CNBD1: variants seen among roughly 807,000 people sequenced by gnomAD.
The protein encoded by CNBD1 is cyclic nucleotide binding domain containing 1.
A neutral mutation model predicts 54.4 loss-of-function variants in CNBD1; 71 were observed. The ratio of observed to expected loss-of-function variants is 1.30; its 90% CI spans 1.08 to 1.59. The LOEUF is 1.59. Among genes scored for constraint, CNBD1 ranks in the 40% most tolerant of loss-of-function variants. The pLI is 0.00. For synonymous variants in CNBD1, 182 were observed against 170.7 expected (o/e 1.07, Z -0.51); for missense variants, 659 against 518.0 (o/e 1.27, Z -2.64).
At chr8:87,159,517 G>A (rs1444633995) in intron 4 of CNBD1, among the ~76,000 whole-genome samples, 2 of 152,064 alleles carry the variant, frequency 1.3e-5, no homozygotes, top group Non-Finnish European at 2.9e-5. Context: ...GGGATAGGAT[G>A]GGAGGGGAAG....
At chr8:87,328,405 A>G (rs957365522) in intron 8 of CNBD1, among the ~76,000 whole-genome samples, 1 of 151,682 alleles carries the variant, frequency 6.6e-6, no homozygotes, top group South Asian at 2.1e-4. Context: ...ATAATTTTTT[A>G]AATTATGTTT....
rs141424792 is a variant in CNBD1 at position 87,351,420 on chromosome 8, C to T, written c.1043-265C>T. Among the ~76,000 whole-genome samples, 5 of 152,274 alleles carry T rather than the reference C, an allele frequency of 3.3e-5. No individual in the cohort carries two copies. The East Asian group carries it at 9.6e-4, about 29-fold the overall frequency. On this transcript the variant is annotated intron_variant, in intron 8 of 10. Coordinates refer to ENST00000518476, the MANE Select transcript of CNBD1 (RefSeq NM_173538.3). ...CTTCTATATTCCCCTTTCCTTCCTG[C>T]ATTGTACAGTATACTAGCATATCAG...
At chr8:86,935,205 T>G (rs984691983) in intron 3 of CNBD1, among the ~76,000 whole-genome samples, 2 of 151,910 alleles carry the variant, frequency 1.3e-5, no homozygotes, top group Non-Finnish European at 2.9e-5. Context: ...CTGGCTAATT[T>G]TTTTGTATTT....
intron 4 of CNBD1, among the ~76,000 whole-genome samples, chr8:87,117,178 C>A (rs1441545085): frequency 6.6e-6 from 1 of 152,044 alleles, no homozygotes; most frequent in African/African-American, 2.4e-5. Flanking sequence ...GCGGGTGGAT[C>A]ACGAAGTCAG....
rs375227979 is a variant in CNBD1, at chr8:87,335,260, G to A, written c.1043-16425G>A. ...CTGAGTTTGAATCCTGAATATCCTC[G>A]TTAATTTTCTGTCTTGTTAATCTGT... On this transcript the variant is annotated intron_variant, in intron 8 of 10. Transcript: ENST00000518476. Among the ~76,000 whole-genome samples the A allele has an allele frequency of 2.0e-4, 30 of 152,172 alleles. No homozygotes were observed. In the South Asian group the frequency reaches 5.6e-3, roughly 28 times the overall value.
At position 87,082,126 on chromosome 8, in the gene CNBD1, C is replaced by T. The variant is rs184767370; in HGVS notation, c.432-123867C>T. Among the ~76,000 whole-genome samples, 21 of 152,268 alleles carry T rather than the reference C, an allele frequency of 1.4e-4. 1 individual carries two copies. The East Asian group carries it at 4.1e-3, about 29-fold the overall frequency. On this transcript the variant is annotated intron_variant, in intron 4 of 10. Coordinates refer to ENST00000518476, the MANE Select transcript of CNBD1 (RefSeq NM_173538.3). ...AGATGACCTGGAGCAACTGAAGAAC[C>T]ACAAAGATGACATTTCACCATTGTG...
intron 4 of CNBD1, among the ~76,000 whole-genome samples, chr8:86,953,910 C>A (rs534343050): frequency 6.6e-6 from 1 of 152,072 alleles, no homozygotes; most frequent in African/African-American, 2.4e-5. Context: ...GTTAAATAAT[C>A]CTGTTTATCA....
At chr8:87,167,819 GAATT>G (rs1325818820) in intron 4 of CNBD1, among the ~76,000 whole-genome samples, 2 of 151,900 alleles carry the variant, frequency 1.3e-5, no homozygotes, top group African/African-American at 4.8e-5. Context: ...TCTGAGAAAT[GAATT>G]ATTAGGTGCA....
intron 8 of CNBD1, among the ~76,000 whole-genome samples, chr8:87,306,200 G>A (rs529483126): frequency 2.0e-5 from 3 of 152,242 alleles, no homozygotes; most frequent in Admixed American, 2.0e-4. Flanking sequence ...AAACTTCAAT[G>A]CGATACCACC....
At chr8:86,993,637 A>T (rs1025548537) in intron 4 of CNBD1, among the ~76,000 whole-genome samples, 2 of 152,128 alleles carry the variant, frequency 1.3e-5, no homozygotes, top group Non-Finnish European at 2.9e-5. Flanking sequence ...TCATTTCTGG[A>T]TGCTTTCAGA....
chr8:87,210,602 G>T (rs987760879), intron 5 of CNBD1, among the ~76,000 whole-genome samples: 3 of 152,116 alleles, frequency 2.0e-5, no homozygotes, highest in Non-Finnish European at 4.4e-5. Flanking sequence ...CAACTCAAAG[G>T]GGCCCATATA....
chr8:87,056,579 A>G (rs1406939929), intron 4 of CNBD1, among the ~76,000 whole-genome samples: 1 of 152,210 alleles, frequency 6.6e-6, no homozygotes. Flanking sequence ...ACAAGATTTA[A>G]TAAATACAAA....
chr8:87,235,701 T>C (rs1807571887), intron 5 of CNBD1, among the ~76,000 whole-genome samples: 1 of 152,256 alleles, frequency 6.6e-6, no homozygotes, highest in South Asian at 2.1e-4. Context: ...GTTTGAAATA[T>C]TGTGAGAATT....
At chr8:87,102,801 A>T (rs533319760) in intron 4 of CNBD1, among the ~76,000 whole-genome samples, 1 of 152,010 alleles carries the variant, frequency 6.6e-6, no homozygotes, top group East Asian at 1.9e-4. Flanking sequence ...TTTTTAGTAG[A>T]GACGGGGTTT....
chr8:87,324,787 T>G (rs1809632768), intron 8 of CNBD1, among the ~76,000 whole-genome samples: 1 of 138,662 alleles, frequency 7.2e-6, no homozygotes. Context: ...AAGGGTTTTT[T>G]GTGTCTCTAT....
At chr8:87,201,068 C>T (rs1813849682) in intron 4 of CNBD1, among the ~76,000 whole-genome samples, 1 of 151,984 alleles carries the variant, frequency 6.6e-6, no homozygotes, top group African/African-American at 2.4e-5. Context: ...GGAATTTATT[C>T]CAGTAATGCA....
chr8:87,095,905 G>A (rs746415015), intron 4 of CNBD1, among the ~76,000 whole-genome samples: 9 of 152,270 alleles, frequency 5.9e-5, no homozygotes, highest in Non-Finnish European at 5.9e-5. Context: ...TGATCTGCCC[G>A]CCTTGGCCTC....
intron 4 of CNBD1, among the ~76,000 whole-genome samples, chr8:86,971,314 C>G (rs2130490958): frequency 6.6e-6 from 1 of 152,218 alleles, no homozygotes; most frequent in African/African-American, 2.4e-5. Context: ...TGAGAACTCA[C>G]TCACTATTAT....
chr8:87,387,545 A>G (rs1811215226), downstream of CNBD1, among the ~76,000 whole-genome samples: 1 of 152,190 alleles, frequency 6.6e-6, no homozygotes. Context: ...CAATTCAACA[A>G]GAAGAGCTAA....
Sources: allele counts gnomAD v4.1 joint callset (sites outside exome capture counted in the v4.1 genomes callset), GRCh38; gene constraint gnomAD v4.1.1; transcripts MANE v1.5; gene names NCBI Gene and HGNC (gene_info 2026-07-23, HGNC 2026-07-21).